Variants in ENOPH1 observed in about 807,000 individuals in gnomAD.
ENOPH1 encodes enolase-phosphatase 1.
In ENOPH1, 14 loss-of-function variants were observed where a neutral mutation model predicts 31.1. That is an observed-to-expected ratio of 0.45 (90% confidence interval 0.30 to 0.70). The LOEUF (loss-of-function observed/expected upper bound fraction) is 0.70. ENOPH1 is among the 30% of genes least tolerant of loss of function. ENOPH1 has a pLI of 0.09. For missense variants in ENOPH1, 243 were observed against 321.5 expected (o/e 0.76, Z 1.87); for synonymous variants, 127 against 123.2 (o/e 1.03, Z -0.21).
chr4:82,456,979 T>C lies in ENOPH1; in HGVS notation c.587T>C (p.Ile196Thr). The change falls in exon 5 of 6, where the codon ATT (isoleucine) becomes ACT (threonine). Residue 196 changes from isoleucine (I) to threonine (T), a missense_variant. By Grantham distance (89) the Ile-to-Thr change is moderately conservative. Coordinates refer to ENST00000273920, the MANE Select transcript of ENOPH1 (RefSeq NM_021204.5). ...GTAGAGAGTGAAAGTTACCGAAAGA[T>C]TGCAGACAGCATTGGGTGCTCAACC... ...HKVESESYRK[I>T]ADSIGCSTNN... 6.2e-7 allele frequency: 1 copy of C among 1,614,104 alleles called. No individual in the cohort carries two copies. Among genetic ancestry groups the C allele is most frequent in the Non-Finnish European group, 8.5e-7 (1 of 1,180,004 alleles).
At chr4:82,457,069 C>G in intron 5 of ENOPH1, 31 bp downstream of exon 5, 1 of 1,605,070 alleles carries the variant, frequency 6.2e-7, no homozygotes. Flanking sequence ...ATTATATACT[C>G]CAGGATATGA....
intron 5 of ENOPH1, among the ~76,000 whole-genome samples, chr4:82,458,746 G>A (rs2110048873): frequency 6.6e-6 from 1 of 152,320 alleles, no homozygotes; most frequent in South Asian, 2.1e-4. Context: ...TTTGCTCAGG[G>A]CAGTCAGGCT....
chr4:82,433,018 T>C (rs1302399731), intron 1 of ENOPH1, among the ~76,000 whole-genome samples: 3 of 152,228 alleles, frequency 2.0e-5, no homozygotes, highest in Admixed American at 1.3e-4. Context: ...GTAACCGCTT[T>C]CTTGGTTTTC....
At position 82,443,732 on chromosome 4, in the gene ENOPH1, A is replaced by G. The variant is rs1423817897; in HGVS notation, c.85-4188A>G. Among the ~76,000 whole-genome samples, 3 of 151,930 alleles carry G rather than the reference A, an allele frequency of 2.0e-5. 1 individual carries two copies. Among genetic ancestry groups the G allele is most frequent in the Non-Finnish European group, 4.4e-5 (3 of 67,970 alleles). On this transcript the variant is annotated intron_variant, in intron 1 of 5. Transcript: ENST00000273920. ...CAGAGTGAGACTCCAGTCTCAAAAA[A>G]AAAAGGGAAATAATAGCCCACAATA...
intron 2 of ENOPH1, among the ~76,000 whole-genome samples, chr4:82,449,421 C>T (rs116157121): frequency 0.023 from 3,445 of 152,170 alleles, 63 homozygotes; most frequent in Middle Eastern, 0.061. Flanking sequence ...GGAAACATAG[C>T]GGCATCTGCT....
intron 5 of ENOPH1, among the ~76,000 whole-genome samples, chr4:82,457,404 C>T (rs564955224): frequency 9.9e-5 from 15 of 152,240 alleles, no homozygotes; most frequent in Admixed American, 3.9e-4. Context: ...GTCCCAGCTG[C>T]ATGGGAGGCT....
At chr4:82,446,413 C>T (rs138593715) in intron 1 of ENOPH1, among the ~76,000 whole-genome samples, 2,814 of 145,862 alleles carry the variant, frequency 0.019, 84 homozygotes, top group African/African-American at 0.072. Context: ...TAAAGCAAGA[C>T]TCCATCTCAA....
intron 3 of ENOPH1, among the ~76,000 whole-genome samples, chr4:82,451,991 G>C (rs2110045501): frequency 6.6e-6 from 1 of 152,222 alleles, no homozygotes; most frequent in African/African-American, 2.4e-5. Flanking sequence ...ATGTTGCCCA[G>C]GCTAGTCTCA....
At chr4:82,448,076 A>G (rs1722241878) in intron 2 of ENOPH1, 55 bp downstream of exon 2, 7 of 1,254,810 alleles carry the variant, frequency 5.6e-6, no homozygotes, top group Non-Finnish European at 6.9e-6. Context: ...GGGTACCTGG[A>G]GATTTAGGAC....
At chr4:82,448,921 A>C (rs994099047) in intron 2 of ENOPH1, among the ~76,000 whole-genome samples, 3 of 151,184 alleles carry the variant, frequency 2.0e-5, no homozygotes, top group Non-Finnish European at 4.4e-5. Flanking sequence ...AGCCGGGCGT[A>C]GTGGCCGGCG....
At chr4:82,437,520 G>A (rs1167226884) in intron 1 of ENOPH1, among the ~76,000 whole-genome samples, 2 of 152,118 alleles carry the variant, frequency 1.3e-5, no homozygotes, top group African/African-American at 2.4e-5. Context: ...TCGTCTCCAA[G>A]TGTGGGTCCC....
chr4:82,439,442 C>G (rs1721987231), intron 1 of ENOPH1, among the ~76,000 whole-genome samples: 2 of 152,194 alleles, frequency 1.3e-5, no homozygotes, highest in South Asian at 2.1e-4. Flanking sequence ...TACTCCAGCT[C>G]TCTCTGGACT....
chr4:82,450,016 C>T (rs1382067049), intron 2 of ENOPH1, among the ~76,000 whole-genome samples: 7 of 152,126 alleles, frequency 4.6e-5, no homozygotes, highest in Non-Finnish European at 1.0e-4. Context: ...CTTACATGGT[C>T]TGCAGAGCTA....
chr4:82,460,097 C>G lies in ENOPH1; in HGVS notation c.763C>G (p.Leu255Val). ...CAGCCTCATCACATCCTTCAGTGAACTATACCTGCCTTCCTCAACCTAGAG... is the reference window on the plus strand; with the variant it reads ...CAGCCTCATCACATCCTTCAGTGAAGTATACCTGCCTTCCTCAACCTAGAG... ...YYSLITSFSE[L>V]YLPSST The change falls in exon 6 of 6, where the codon CTA becomes GTA. Residue 255 changes from leucine (L) to valine (V), a missense_variant. Leu to Val is a conservative substitution (Grantham distance 32). Coordinates refer to ENST00000273920, the MANE Select transcript of ENOPH1 (RefSeq NM_021204.5). 6.2e-7 allele frequency: 1 copy of G among 1,614,228 alleles called. No individual in the cohort carries two copies. Among genetic ancestry groups the G allele is most frequent in the Non-Finnish European group, 8.5e-7 (1 of 1,180,038 alleles).
intron 3 of ENOPH1, among the ~76,000 whole-genome samples, chr4:82,453,974 A>G (rs796380381): frequency 2.6e-5 from 4 of 151,642 alleles, no homozygotes; most frequent in African/African-American, 9.7e-5. Flanking sequence ...GGGAGGCTGA[A>G]GTGGGGGGAT....
rs113153725 is a variant in ENOPH1 at position 82,445,215 on chromosome 4, C to T, written c.85-2705C>T. Among the ~76,000 whole-genome samples, 394 of 151,746 alleles carry T rather than the reference C, an allele frequency of 2.6e-3. 2 individuals are homozygous for T. Among genetic ancestry groups the T allele is most frequent in the Admixed American group, 6.6e-3 (100 of 15,224 alleles). On this transcript the variant is annotated intron_variant, in intron 1 of 5. Transcript: ENST00000273920. ...CTGCATTCCAGCCTGAGTGACAGAT[C>T]AAGACTCTGTCTCAAAAAAGAAAAA...
At chr4:82,453,151 C>T (rs1464235119) in intron 3 of ENOPH1, among the ~76,000 whole-genome samples, 18 of 152,192 alleles carry the variant, frequency 1.2e-4, no homozygotes, top group African/African-American at 4.3e-4. Flanking sequence ...TCCGCCCCCC[C>T]TTGGCCTCCC....
intron 4 of ENOPH1, 148 bp downstream of exon 4, chr4:82,455,002 T>C (rs1318308601): frequency 1.7e-5 from 12 of 717,306 alleles, no homozygotes; most frequent in Non-Finnish European, 2.7e-5. Context: ...CTTTTAATTA[T>C]ATTGTATTTA....
rs1328436147 is a variant in ENOPH1, at chr4:82,459,981, A to G, written c.647A>G (p.Glu216Gly). The G allele has an allele frequency of 6.2e-7, 1 of 1,612,670 alleles. No individual in the cohort carries two copies. The highest frequency in any genetic ancestry group is 8.5e-7 in the Non-Finnish European group (1 of 1,179,686). The change falls in exon 6 of 6, where the codon GAG becomes GGG. Residue 216 changes from glutamate (E) to glycine (G), a missense_variant and splice_region_variant. Transcript: ENST00000273920. ...ACACACATCCTTTGATTTTTCACAG[A>G]GGCCAGTGCTGCTGAGGAAGCAGAT... ...NILFLTDVTR[E>G]ASAAEEADVH...
Sources: allele counts gnomAD v4.1 joint callset (sites outside exome capture counted in the v4.1 genomes callset), GRCh38; gene constraint gnomAD v4.1.1; transcripts MANE v1.5; gene names NCBI Gene and HGNC (gene_info 2026-07-23, HGNC 2026-07-21).